Variants in MYO7A observed in about 807,000 individuals in gnomAD.
MYO7A encodes the protein unconventional myosin-VIIa.
In MYO7A, 210 loss-of-function variants were observed where a neutral mutation model predicts 263.8. That is an observed-to-expected ratio of 0.80 (90% CI 0.71 to 0.89). MYO7A has a LOEUF of 0.89. Ranked by LOEUF, MYO7A falls within the 40% of genes least tolerant of loss-of-function variation. The probability of loss-of-function intolerance (pLI) is 0.00; values close to 1 mark genes in which losing one functional copy is unlikely to be tolerated. For synonymous variants in MYO7A, 1,239 were observed against 1,197.3 expected (o/e 1.03, Z -0.72); for missense variants, 2,820 against 2,968.3 (o/e 0.95, Z 1.16).
intron 12 of MYO7A, 112 bp downstream of exon 12, chr11:77,161,227 G>A: frequency 7.4e-7 from 1 of 1,349,430 alleles, no homozygotes; most frequent in East Asian, 2.4e-5. Flanking sequence ...CACTCTGCCA[G>A]GCTGTTCCGT....
At position 77,180,487 on chromosome 11, in the gene MYO7A, C is replaced by G; in HGVS notation, c.2694+6C>G. On this transcript the variant is annotated splice_donor_region_variant and intron_variant, in intron 22 of 48. Coordinates refer to ENST00000409709, the MANE Select transcript of MYO7A (RefSeq NM_000260.4). ...AGGCCGAGCGCAAGCATCAGGTGAG[C>G]TGAGAGCCTCCAGGCACCTTAGGTG... 6.2e-7 allele frequency: 1 copy of G among 1,610,406 alleles called. No homozygotes were observed. Among genetic ancestry groups the G allele is most frequent in the Non-Finnish European group, 8.5e-7 (1 of 1,178,458 alleles).
intron 27 of MYO7A, among the ~76,000 whole-genome samples, chr11:77,185,281 A>C (rs781891394): frequency 2.0e-5 from 3 of 152,234 alleles, no homozygotes; most frequent in Admixed American, 6.5e-5. Context: ...TCTCTGTAGC[A>C]TGCAATGCTG....
At chr11:77,172,046 G>A (rs1460900236) in intron 15 of MYO7A, among the ~76,000 whole-genome samples, 1 of 152,160 alleles carries the variant, frequency 6.6e-6, no homozygotes, top group Non-Finnish European at 1.5e-5. Flanking sequence ...GGCCTGCCCC[G>A]CCCCCAGCCT....
chr11:77,133,802 T>G (rs1950834782), intron 2 of MYO7A, among the ~76,000 whole-genome samples: 2 of 152,200 alleles, frequency 1.3e-5, no homozygotes, highest in Admixed American at 6.5e-5. Context: ...TATCTTTTCC[T>G]CCTCAATTCC....
intron 15 of MYO7A, among the ~76,000 whole-genome samples, chr11:77,171,510 G>A (rs1471425519): frequency 2.0e-5 from 3 of 152,094 alleles, no homozygotes; most frequent in East Asian, 1.9e-4. Context: ...TTTCAGAATC[G>A]CAGGCACTGG....
chr11:77,205,702 A>AG, intron 40 of MYO7A, 85 bp downstream of exon 40: 1 of 1,559,022 alleles, frequency 6.4e-7, no homozygotes. Context: ...CTTGGGGATG[A>AG]GGACCACATA....
At position 77,211,208 on chromosome 11, in the gene MYO7A, G is replaced by C; in HGVS notation, c.6108G>C (p.Gln2036His). The change falls in exon 45 of 49, where the codon CAG (glutamine) becomes CAC (histidine). Residue 2036 changes from glutamine to histidine, a missense_variant. Physicochemically the swap from Gln to His is conservative, Grantham distance 24 (BLOSUM62 0). Transcript: ENST00000409709. ...YHKCTREEVL[Q>H]LGALIYRVKF... ...AGTGCACGCGGGAGGAGGTGCTGCA[G>C]CTGGGGGCGCTGATCTACAGGGTCA... is the stretch of plus-strand genomic sequence containing the variant. 1 of 1,592,114 alleles carries C rather than the reference G, an allele frequency of 6.3e-7. No homozygotes were observed. Among genetic ancestry groups the C allele is most frequent in the Non-Finnish European group, 8.5e-7 (1 of 1,169,702 alleles).
rs1565397890 is a variant in MYO7A at position 77,177,644 on chromosome 11, G to A, written c.2282+1G>A. 1 of 1,606,178 alleles carries A rather than the reference G, an allele frequency of 6.2e-7. No homozygotes were observed. On this transcript the variant is annotated splice_donor_variant, in intron 19 of 48. Transcript: ENST00000409709. LOFTEE classifies it high-confidence loss of function. ...AAGTCATCCGGGGATTCAAAGACAG[G>A]TGCGTGTTCCCACCAGCTCCTCCCC...
At chr11:77,205,358 TGATGAGCAGCTGA>T in intron 39 of MYO7A, 91 bp from the exon 40 acceptor site, 1 of 1,336,412 alleles carries the variant, frequency 7.5e-7, no homozygotes, top group Non-Finnish European at 1.0e-6. Context: ...GGTGCTGCTG[TGATGAGCAGCTGA>T]GGGGTACATG....
intron 31 of MYO7A, among the ~76,000 whole-genome samples, chr11:77,193,513 G>T (rs1015300656): frequency 3.4e-5 from 5 of 148,620 alleles, no homozygotes; most frequent in Non-Finnish European, 7.5e-5. Flanking sequence ...AATGATGTTG[G>T]TGATAGTGTT....
intron 2 of MYO7A, among the ~76,000 whole-genome samples, chr11:77,140,579 C>T (rs1951152420): frequency 6.6e-6 from 1 of 152,218 alleles, no homozygotes; most frequent in African/African-American, 2.4e-5. Flanking sequence ...CTCTGGGGAG[C>T]CACAGATGAG....
intron 5 of MYO7A, 105 bp downstream of exon 5, chr11:77,156,196 C>T: frequency 1.6e-6 from 2 of 1,283,482 alleles, no homozygotes; most frequent in Non-Finnish European, 1.1e-6. Context: ...TCGGAAATGC[C>T]ATCAAGCTCT....
rs764113162 is a variant in MYO7A at position 77,213,871 on chromosome 11, C to T, written c.6450C>T (p.Thr2150=). 4 of 1,613,948 alleles carry T rather than the reference C, an allele frequency of 2.5e-6. No homozygotes were observed. The highest frequency in any genetic ancestry group is 2.7e-5 in the African/African-American group (2 of 74,954). ...TTCTGCTCCCCCAGGATATCCTCAC[C>T]ACTCATCCCTTCACCAAGATCTCCA... ...LIDPKTKDIL[T]THPFTKISNW... is the part of the protein sequence containing the mutation. Residue 2150 remains threonine (T), a synonymous_variant, in exon 48 of 49, where the codon ACC becomes ACT. Transcript: ENST00000409709.
At position 77,181,506 on chromosome 11, in the gene MYO7A, G is replaced by A. The variant is rs1565410525; in HGVS notation, c.2821G>A (p.Asp941Asn). The A allele has an allele frequency of 6.2e-7, 1 of 1,613,556 alleles. No homozygotes were observed. The highest frequency in any genetic ancestry group is 8.5e-7 in the Non-Finnish European group (1 of 1,179,888). The part of the protein sequence containing the change: ...RARHEPVNHS[D>N]MVDKMFGFLG... ...CCGCCATGAGCCTGTCAATCACTCAGACATGGTGGACAAGATGTTTGGCTT... is the reference window on the plus strand; with the variant it reads ...CCGCCATGAGCCTGTCAATCACTCAAACATGGTGGACAAGATGTTTGGCTT... The change falls in exon 23 of 49, where the codon GAC becomes AAC. Residue 941 changes from aspartate (D) to asparagine (N), a missense_variant. Transcript: ENST00000409709.
intron 30 of MYO7A, 36 bp downstream of exon 30, chr11:77,190,906 C>G: frequency 6.6e-7 from 1 of 1,517,492 alleles, no homozygotes; most frequent in Non-Finnish European, 8.9e-7. Context: ...CCCGGAAGCA[C>G]CTCCTCCCGG....
chr11:77,148,048 C>A, intron 4 of MYO7A, 98 bp downstream of exon 4: 1 of 1,125,296 alleles, frequency 8.9e-7, no homozygotes, highest in Non-Finnish European at 1.2e-6. Context: ...CCCCGCCCTG[C>A]CGGGGCCCTG....
intron 27 of MYO7A, among the ~76,000 whole-genome samples, chr11:77,185,921 C>CTT (rs1555088191): frequency 1.4e-5 from 2 of 140,588 alleles, no homozygotes; most frequent in African/African-American, 2.5e-5. Context: ...CCTTGTACAT[C>CTT]ATTTTTTTTT....
At position 77,197,517 on chromosome 11, in the gene MYO7A, G is replaced by A. The variant is rs397516309; in HGVS notation, c.4360G>A (p.Val1454Ile). 82 of 1,607,454 alleles carry A rather than the reference G, an allele frequency of 5.1e-5. No homozygotes were observed. In the East Asian group the frequency reaches 1.5e-3, roughly 29 times the overall value. The change falls in exon 33 of 49, where the codon GTC becomes ATC. Residue 1454 changes from valine (V) to isoleucine (I), a missense_variant. Coordinates refer to ENST00000409709, the MANE Select transcript of MYO7A (RefSeq NM_000260.4). ...YAQRRTDAQK[V>I]KEDVVSYARF... ...CCAGAGGAGAACTGATGCCCAGAAGGTCAAAGAGGATGTGGTCAGTTATGC... is the reference window on the plus strand; with the variant it reads ...CCAGAGGAGAACTGATGCCCAGAAGATCAAAGAGGATGTGGTCAGTTATGC...
chr11:77,130,546 G>A (rs1193494360), intron 1 of MYO7A, 43 bp from the exon 2 acceptor site: 4 of 1,523,358 alleles, frequency 2.6e-6, no homozygotes, highest in Non-Finnish European at 3.6e-6. Flanking sequence ...AGGCTTCCAG[G>A]GCTGGCCTGC....
Sources: allele counts gnomAD v4.1 joint callset (sites outside exome capture counted in the v4.1 genomes callset), GRCh38; gene constraint gnomAD v4.1.1; transcripts MANE v1.5; gene names NCBI Gene and HGNC (gene_info 2026-07-23, HGNC 2026-07-21).